NTF3: variants seen among roughly 807,000 people sequenced by gnomAD.
NTF3 encodes the protein neurotrophin 3.
Under a neutral mutation model 26.3 loss-of-function variants are expected in NTF3, and 8 were observed. That is an observed-to-expected ratio of 0.30 (90% CI 0.18 to 0.55). NTF3 has a LOEUF of 0.55. NTF3 is among the 20% of genes least tolerant of loss of function. NTF3 has a pLI of 0.93. For missense variants in NTF3, 276 were observed against 352.9 expected (o/e 0.78, Z 1.75); for synonymous variants, 154 against 145.5 (o/e 1.06, Z -0.42).
At chr12:5,448,989 G>A (rs763554229) in intron 1 of NTF3, among the ~76,000 whole-genome samples, 1 of 152,166 alleles carries the variant, frequency 6.6e-6, no homozygotes, top group African/African-American at 2.4e-5. Flanking sequence ...AAAAATGCAC[G>A]GTTCCTCACC....
intron 1 of NTF3, among the ~76,000 whole-genome samples, chr12:5,448,190 G>T (rs918401573): frequency 4.6e-5 from 7 of 152,066 alleles, no homozygotes; most frequent in African/African-American, 7.2e-5. Flanking sequence ...TGCCTTTTTT[G>T]TTTACTTCAT....
At chr12:5,445,382 AT>A (rs1475660988) in intron 1 of NTF3, among the ~76,000 whole-genome samples, 1 of 150,834 alleles carries the variant, frequency 6.6e-6, no homozygotes, top group African/African-American at 2.4e-5. Context: ...GCTACTGAAC[AT>A]TTTTTTTGTC....
intron 1 of NTF3, among the ~76,000 whole-genome samples, chr12:5,475,896 AAG>A (rs1165101113): frequency 7.3e-6 from 1 of 137,716 alleles, no homozygotes; most frequent in African/African-American, 2.6e-5. Context: ...AAGAAAGAAA[AAG>A]AGAAAGAAAG....
rs1474052571 is a variant in NTF3, at chr12:5,494,014, C to T, written c.19-180C>T. ...CCTGGAGTGCATTCGCAGTATCTCC[C>T]GGGGGTGGGGGAAAGAAATCACCTC... On this transcript the variant is annotated intron_variant, in intron 1 of 1. Coordinates refer to ENST00000423158, the MANE Select transcript of NTF3 (RefSeq NM_001102654.2). This position sits in a 1 kb window ranked among gnomAD's most constrained non-coding sequence, Gnocchi z 8.3. The T allele has an allele frequency of 6.5e-6, 4 of 613,698 alleles. No individual in the cohort carries two copies. Among genetic ancestry groups the T allele is most frequent in the East Asian group, 2.7e-5 (1 of 36,372 alleles). The allele number at this position is 613,698 out of a possible 1,614,324, so 38.0% of individuals were successfully genotyped here.
chr12:5,461,485 C>T (rs768820346), intron 1 of NTF3, among the ~76,000 whole-genome samples: 40 of 152,094 alleles, frequency 2.6e-4, no homozygotes, highest in Non-Finnish European at 5.3e-4. Flanking sequence ...CTGTGCTCTC[C>T]TCAGCTCTCT....
At chr12:5,461,388 A>G (rs1364598433) in intron 1 of NTF3, among the ~76,000 whole-genome samples, 1 of 152,166 alleles carries the variant, frequency 6.6e-6, no homozygotes, top group African/African-American at 2.4e-5. Context: ...CTTAAAGTGA[A>G]GAAGAGATTT....
chr12:5,488,948 T>C (rs1341830692), intron 1 of NTF3, among the ~76,000 whole-genome samples: 3 of 152,224 alleles, frequency 2.0e-5, no homozygotes, highest in Non-Finnish European at 4.4e-5. Flanking sequence ...TAAAATTTGC[T>C]TTCACCTCTG....
chr12:5,458,627 CT>C (rs1940484406), intron 1 of NTF3, among the ~76,000 whole-genome samples: 1 of 152,202 alleles, frequency 6.6e-6, no homozygotes, highest in Non-Finnish European at 1.5e-5. Flanking sequence ...AAGGAAAAAA[CT>C]TCCTTGGGGT....
At chr12:5,453,467 A>G (rs1940400167) in intron 1 of NTF3, among the ~76,000 whole-genome samples, 1 of 151,754 alleles carries the variant, frequency 6.6e-6, no homozygotes, top group Admixed American at 6.6e-5. Flanking sequence ...TCCCTGTTGG[A>G]CTCTTTCTCC....
chr12:5,456,522 T>A lies in NTF3; in HGVS notation c.18+24180T>A, dbSNP rs575221615. 4.9e-4 allele frequency among the ~76,000 whole-genome samples: 74 copies of A among 152,166 alleles called. No homozygotes were observed. Among genetic ancestry groups the A allele is most frequent in the Admixed American group, 1.2e-3 (18 of 15,290 alleles). On this transcript the variant is annotated intron_variant, in intron 1 of 1. Coordinates refer to ENST00000423158, the MANE Select transcript of NTF3 (RefSeq NM_001102654.2). The surrounding 1 kb of genome is among the most constrained non-coding windows in gnomAD (Gnocchi z 4.4). ...CCACCTCAGGCACGGTGGACCTGGC[T>A]CCTCAGAGAGCTCTAGGGACAGAGG... is the stretch of plus-strand genomic sequence containing the variant.
chr12:5,470,347 A>C (rs1339815734), intron 1 of NTF3, among the ~76,000 whole-genome samples: 1 of 152,246 alleles, frequency 6.6e-6, no homozygotes, highest in Non-Finnish European at 1.5e-5. Context: ...CGCCAAGAGC[A>C]GGAAGCTGGA....
intron 1 of NTF3, among the ~76,000 whole-genome samples, chr12:5,471,527 C>T (rs910345244): frequency 2.0e-5 from 3 of 152,180 alleles, no homozygotes; most frequent in African/African-American, 4.8e-5. Flanking sequence ...TCACCTGGAG[C>T]GTCTCAGGAG....
intron 1 of NTF3, among the ~76,000 whole-genome samples, chr12:5,493,056 A>C (rs937880039): frequency 3.9e-5 from 6 of 152,158 alleles, no homozygotes; most frequent in Admixed American, 6.5e-5. Flanking sequence ...TAAGGAGTGA[A>C]TATCTCAAGG....
At chr12:5,458,715 G>A (rs568610180) in intron 1 of NTF3, among the ~76,000 whole-genome samples, 1 of 152,268 alleles carries the variant, frequency 6.6e-6, no homozygotes, top group Non-Finnish European at 1.5e-5. Flanking sequence ...ACGCAACCAG[G>A]CAAAAAGTTG....
At chr12:5,441,837 C>CT (rs1445380937) in intron 1 of NTF3, among the ~76,000 whole-genome samples, 1 of 152,240 alleles carries the variant, frequency 6.6e-6, no homozygotes, top group Non-Finnish European at 1.5e-5. Flanking sequence ...GTCATGAATG[C>CT]TCAGCGCTTG....
intron 1 of NTF3, among the ~76,000 whole-genome samples, chr12:5,487,041 ATTTTCTCTGCAGATCC>A (rs1940875216): frequency 6.6e-6 from 1 of 152,118 alleles, no homozygotes; most frequent in Admixed American, 6.5e-5. Flanking sequence ...ATTGACTCAG[ATTTTCTCTGCAGATCC>A]TTCCTAGTCC....
intron 1 of NTF3, among the ~76,000 whole-genome samples, chr12:5,473,051 C>A (rs929124194): frequency 6.6e-6 from 1 of 152,174 alleles, no homozygotes; most frequent in Non-Finnish European, 1.5e-5. Context: ...AGTTCAAAAA[C>A]AGCTCCTGGC....
At chr12:5,484,627 A>G (rs1226769188) in intron 1 of NTF3, among the ~76,000 whole-genome samples, 1 of 152,216 alleles carries the variant, frequency 6.6e-6, no homozygotes, top group Non-Finnish European at 1.5e-5. Context: ...CCCCAGCATC[A>G]TGTTATGTGA....
At chr12:5,475,033 G>A (rs1940705655) in intron 1 of NTF3, among the ~76,000 whole-genome samples, 1 of 152,176 alleles carries the variant, frequency 6.6e-6, no homozygotes, top group Admixed American at 6.5e-5. Flanking sequence ...AGTAGGCCAT[G>A]GATGTCCCAT....
Sources: gnomAD v4.1 joint callset for allele counts (sites outside exome capture counted in the v4.1 genomes callset) on GRCh38, gnomAD v4.1.1 for gene constraint, Gnocchi (gnomAD v3.1) non-coding constraint, MANE v1.5 for transcripts, NCBI Gene and HGNC (gene_info 2026-07-23, HGNC 2026-07-21) for gene names.